Variants in NIPBL observed in about 807,000 individuals in gnomAD.
The protein encoded by NIPBL is nipped-B-like protein.
In NIPBL, 19 loss-of-function variants were observed where a neutral mutation model predicts 321.8. The observed-to-expected ratio is 0.06, with a 90% CI of 0.04 to 0.09. The LOEUF (loss-of-function observed/expected upper bound fraction) is 0.09. Among genes scored for constraint, NIPBL ranks in the 10% least tolerant of loss-of-function variants. The pLI is 1.00. For synonymous variants in NIPBL, 1,106 were observed against 1,114.1 expected, an observed-to-expected ratio of 0.99 and a Z score of 0.14; for missense variants, 2,210 against 3,327.0, an observed-to-expected ratio of 0.66 and a Z score of 8.26.
At chr5:36,895,214 T>A (rs1179767424) in intron 1 of NIPBL, among the ~76,000 whole-genome samples, 1 of 152,196 alleles carries the variant, frequency 6.6e-6, no homozygotes, top group African/African-American at 2.4e-5. Context: ...TGGATTTCTG[T>A]ATTCATATAA....
At chr5:36,885,727 CCAG>C (rs1745847432) in intron 1 of NIPBL, 2 of 593,226 alleles carry the variant, frequency 3.4e-6, no homozygotes, top group Admixed American at 2.0e-5. Flanking sequence ...TGGCCATGTG[CCAG>C]TCTGTAGAGA....
At position 36,986,126 on chromosome 5, in the gene NIPBL, G is replaced by A. The variant is rs200018885; in HGVS notation, c.2946G>A (p.Pro982=). The part of the protein sequence containing the change: ...ETKKMEMKGE[P]KDKVEKIGLV... ...AGAAAATGGAAATGAAAGGAGAGCC[G>A]AAAGACAAAGTAGAAAAAATAGGAT... Residue 982 remains proline, a synonymous_variant, in exon 10 of 47, where the codon CCG becomes CCA. Coordinates refer to ENST00000282516, the MANE Select transcript of NIPBL (RefSeq NM_133433.4). 1.6e-5 allele frequency: 26 copies of A among 1,613,656 alleles called. No homozygotes were observed. The highest frequency in any genetic ancestry group is 1.5e-4 in the Admixed American group (9 of 59,940).
chr5:37,021,969 T>G, intron 27 of NIPBL, 82 bp from the exon 28 acceptor site: 1 of 1,027,864 alleles, frequency 9.7e-7, no homozygotes, highest in South Asian at 1.4e-5. Context: ...TAGATTTGTT[T>G]TCTTTTGCAT....
At chr5:36,962,843 A>G (rs1033944614) in intron 6 of NIPBL, among the ~76,000 whole-genome samples, 2 of 152,286 alleles carry the variant, frequency 1.3e-5, no homozygotes, top group East Asian at 3.9e-4. Context: ...AAAGTACTGT[A>G]TAGTGCATAG....
At chr5:37,016,532 A>G (rs962423657) in intron 23 of NIPBL, among the ~76,000 whole-genome samples, 2 of 152,152 alleles carry the variant, frequency 1.3e-5, no homozygotes, top group Non-Finnish European at 2.9e-5. Context: ...CTACAAATGT[A>G]TGGCATTTTG....
At chr5:37,032,083 A>G (rs1751091734) in intron 32 of NIPBL, among the ~76,000 whole-genome samples, 2 of 152,148 alleles carry the variant, frequency 1.3e-5, no homozygotes, top group Non-Finnish European at 2.9e-5. Flanking sequence ...GACTTAATTC[A>G]TCAGTAACTC....
At chr5:36,994,920 T>A (rs1432429002) in intron 10 of NIPBL, among the ~76,000 whole-genome samples, 1 of 152,156 alleles carries the variant, frequency 6.6e-6, no homozygotes, top group Non-Finnish European at 1.5e-5. Context: ...TAACTTGAAA[T>A]GTACTTTTCA....
At chr5:37,029,599 G>A (rs1451909221) in intron 32 of NIPBL, among the ~76,000 whole-genome samples, 1 of 152,164 alleles carries the variant, frequency 6.6e-6, no homozygotes, top group African/African-American at 2.4e-5. Context: ...TGTGATTACA[G>A]GGTCATATGG....
chr5:36,909,393 A>C (rs1237661046), intron 1 of NIPBL, among the ~76,000 whole-genome samples: 1 of 152,156 alleles, frequency 6.6e-6, no homozygotes, highest in Admixed American at 6.5e-5. Context: ...GAATCTTCTT[A>C]TTTTGTTCCA....
intron 1 of NIPBL, among the ~76,000 whole-genome samples, chr5:36,892,281 G>A (rs1746390157): frequency 1.3e-5 from 2 of 152,100 alleles, no homozygotes; most frequent in South Asian, 2.1e-4. Flanking sequence ...TAAAAAGTCA[G>A]GAAACAACAG....
chr5:37,019,233 G>T, intron 24 of NIPBL, 78 bp from the exon 25 acceptor site: 1 of 936,996 alleles, frequency 1.1e-6, no homozygotes, highest in South Asian at 1.3e-5. Context: ...TTTTCCTTCA[G>T]ATTTGTGTTT....
In NIPBL at chr5:37,020,645, A is replaced by T. The variant is rs762616275; in HGVS notation, c.5197A>T (p.Thr1733Ser). The change falls in exon 26 of 47, where the codon ACC (threonine) becomes TCC (serine). Residue 1733 changes from threonine to serine, a missense_variant. This residue lies in a region of NIPBL where 138 missense variants were observed against 175.8 expected (regional missense o/e 0.79). Transcript: ENST00000282516. ...AAAGTTTCTTAGAAGCATTATCAAAACCACACCTTCTCAGTTTAGCACATT... is the reference window on the plus strand; with the variant it reads ...AAAGTTTCTTAGAAGCATTATCAAATCCACACCTTCTCAGTTTAGCACATT... ...RKKFLRSIIK[T>S]TPSQFSTLKM... The T allele has an allele frequency of 3.1e-6, 5 of 1,614,076 alleles. No individual in the cohort carries two copies. The highest frequency in any genetic ancestry group is 4.2e-6 in the Non-Finnish European group (5 of 1,179,992).
At chr5:36,961,165 G>A (rs1741576363) in intron 4 of NIPBL, among the ~76,000 whole-genome samples, 2 of 152,238 alleles carry the variant, frequency 1.3e-5, no homozygotes, top group African/African-American at 2.4e-5. Flanking sequence ...TGTGTTAGGT[G>A]CGAGGTTAGA....
Position 36,976,374 on chromosome 5 carries a change from G to T in NIPBL, c.1467G>T (p.Glu489Asp). 6.2e-7 allele frequency: 1 copy of T among 1,609,602 alleles called. No homozygotes were observed. The highest frequency in any genetic ancestry group is 1.1e-5 in the South Asian group (1 of 91,064). Residue 489 changes from glutamate to aspartate, a missense_variant, in exon 9 of 47, where the codon GAG (glutamate) becomes GAT (aspartate). Physicochemically the swap from Glu to Asp is conservative, Grantham distance 45. Around this residue, in one of 14 missense-constraint regions of NIPBL, gnomAD observed 464 missense variants for 529.5 expected, o/e 0.88. Transcript: ENST00000282516. Reference sequence around the variant, plus strand: ...AGAGAGAATCAGCTATTGAAAGGGAGCGCTTCTCAAAAGAAGTTCAAGATA... The same window carrying T: ...AGAGAGAATCAGCTATTGAAAGGGATCGCTTCTCAAAAGAAGTTCAAGATA... ...RIERESAIER[E>D]RFSKEVQDKD...
intron 6 of NIPBL, among the ~76,000 whole-genome samples, chr5:36,969,088 G>T (rs1452338657): frequency 1.3e-5 from 2 of 152,022 alleles, no homozygotes; most frequent in Admixed American, 1.3e-4. Flanking sequence ...AAGATACCTA[G>T]GAATAAATTT....
intron 1 of NIPBL, among the ~76,000 whole-genome samples, chr5:36,923,598 G>C (rs182726288): frequency 6.6e-6 from 1 of 152,026 alleles, no homozygotes; most frequent in African/African-American, 2.4e-5. Flanking sequence ...TTACAATTTA[G>C]TTATTCTGAT....
intron 1 of NIPBL, among the ~76,000 whole-genome samples, chr5:36,889,074 A>G (rs1746129568): frequency 6.6e-6 from 1 of 152,108 alleles, no homozygotes; most frequent in African/African-American, 2.4e-5. Context: ...GAATAAATGA[A>G]TTTGAATATA....
At position 37,022,163 on chromosome 5, in the gene NIPBL, A is replaced by C. The variant is rs775241477; in HGVS notation, c.5427+14A>C. The C allele has an allele frequency of 6.2e-7, 1 of 1,613,760 alleles. No individual in the cohort carries two copies. On this transcript the variant is annotated intron_variant, in intron 28 of 46. Transcript: ENST00000282516. ...ATTCTAGCAAGGGTAAAGAGCAAAAATGATTCTTTCTTTTCTACTCGAATT... is the reference window on the plus strand; with the variant it reads ...ATTCTAGCAAGGGTAAAGAGCAAAACTGATTCTTTCTTTTCTACTCGAATT...
At chr5:36,937,018 A>G (rs76434229) in intron 1 of NIPBL, among the ~76,000 whole-genome samples, 18,857 of 152,126 alleles carry the variant, frequency 0.12, 1,253 homozygotes, top group Admixed American at 0.19. Context: ...GTGATATATT[A>G]AACAGGCATT....
Sources: gnomAD v4.1 joint callset for allele counts (sites outside exome capture counted in the v4.1 genomes callset) on GRCh38, gnomAD v4.1.1 for gene constraint, gnomAD v4.1.1 regional missense constraint, MANE v1.5 for transcripts, NCBI Gene and HGNC (gene_info 2026-07-23, HGNC 2026-07-21) for gene names.